ZFAND1: variants seen among roughly 807,000 people sequenced by gnomAD.
ZFAND1 encodes AN1-type zinc finger protein 1.
A neutral mutation model predicts 38.5 loss-of-function variants in ZFAND1; 40 were observed. The ratio of observed to expected loss-of-function variants is 1.04; its 90% CI spans 0.81 to 1.35. The LOEUF (loss-of-function observed/expected upper bound fraction) is 1.35, where lower values mean the gene tolerates loss of function less well. ZFAND1 is among the 40% of genes most tolerant of loss of function. ZFAND1 has a pLI of 0.00. For missense variants in ZFAND1, 346 were observed against 316.3 expected (o/e 1.09, Z -0.71); for synonymous variants, 117 against 103.6 (o/e 1.13, Z -0.78).
Position 81,701,461 on chromosome 8 carries a change from A to C in ZFAND1, c.*1234T>G, listed in dbSNP as rs536092213. ...TTTTATATGCCCTGGGAAACAAAAAAAAATTTGTCTGGCTCAATATACTCC... is the reference window on the plus strand; with the variant it reads ...TTTTATATGCCCTGGGAAACAAAAACAAATTTGTCTGGCTCAATATACTCC... On this transcript the variant is annotated 3_prime_UTR_variant, in exon 8 of 8. Coordinates refer to ENST00000220669, the MANE Select transcript of ZFAND1 (RefSeq NM_024699.3). 2 of 152,132 alleles carry C rather than the reference A, an allele frequency of 1.3e-5. No homozygotes were observed. Among genetic ancestry groups the C allele is most frequent in the Non-Finnish European group, 2.9e-5 (2 of 68,028 alleles). The allele number at this position is 152,132 out of a possible 1,614,324, so 9.4% of individuals were successfully genotyped here. A position where few individuals can be genotyped will look rare whatever the true frequency, so the allele number is the denominator to read the frequency against.
intron 6 of ZFAND1, among the ~76,000 whole-genome samples, chr8:81,712,659 G>A (rs1808173636): frequency 6.6e-6 from 1 of 152,108 alleles, no homozygotes; most frequent in African/African-American, 2.4e-5. Flanking sequence ...GAAAAGGTAT[G>A]TAAATATTTA....
At chr8:81,707,806 G>A (rs1357158251) in intron 6 of ZFAND1, among the ~76,000 whole-genome samples, 1 of 152,086 alleles carries the variant, frequency 6.6e-6, no homozygotes, top group Non-Finnish European at 1.5e-5. Flanking sequence ...TTTTCATGAA[G>A]GTGGTATTTT....
chr8:81,719,022 A>G (rs1389379548), intron 1 of ZFAND1, among the ~76,000 whole-genome samples: 3 of 152,052 alleles, frequency 2.0e-5, no homozygotes, highest in African/African-American at 7.2e-5. Flanking sequence ...GTGTATCTAT[A>G]TCTGTATCTA....
chr8:81,703,103 C>T lies in ZFAND1; in HGVS notation c.502G>A (p.Val168Ile). The change falls in exon 7 of 8, where the codon GTT (valine) becomes ATT (isoleucine). Residue 168 changes from valine (V) to isoleucine (I), a missense_variant. By Grantham distance (29) the Val-to-Ile change is conservative. Transcript: ENST00000220669. ...LPQTERIYFQ[V>I]FLPKGSKEKS... Reference sequence around the variant, plus strand: ...TCTTTGCTCCCTTTAGGTAAGAAAACCTGAAAGTAAATTCTTTCTGTCTGT... The same window carrying T: ...TCTTTGCTCCCTTTAGGTAAGAAAATCTGAAAGTAAATTCTTTCTGTCTGT... The T allele has an allele frequency of 6.6e-7, 1 of 1,514,520 alleles. No individual in the cohort carries two copies. The highest frequency in any genetic ancestry group is 8.9e-7 in the Non-Finnish European group (1 of 1,126,406). 93.8% of individuals were successfully genotyped at this position (1,514,520 alleles called of 1,614,324 possible).
rs777095243 is a variant in ZFAND1, at chr8:81,713,944, C to T, written c.454G>A (p.Ala152Thr). 1 of 1,612,720 alleles carries T rather than the reference C, an allele frequency of 6.2e-7. No homozygotes were observed. The highest frequency in any genetic ancestry group is 1.3e-5 in the African/African-American group (1 of 74,854). ...TGTGGTAATGACTTATCGCCATCAG[C>T]ATGCATCTTTAATTTCATCAATGCA... is the stretch of plus-strand genomic sequence containing the variant. ...KVALMKLKMH[A>T]DGDKSLPQTE... The change falls in exon 6 of 8, where the codon GCT becomes ACT. Residue 152 changes from alanine (A) to threonine (T), a missense_variant. Transcript: ENST00000220669.
chr8:81,721,268 T>G lies in ZFAND1; in HGVS notation c.14A>C (p.Asp5Ala), dbSNP rs1183550589. 2 of 1,549,146 alleles carry G rather than the reference T, an allele frequency of 1.3e-6. No homozygotes were observed. Among genetic ancestry groups the G allele is most frequent in the South Asian group, 1.2e-5 (1 of 84,042 alleles). Residue 5 changes from aspartate (D) to alanine (A), a missense_variant, in exon 1 of 8, where the codon GAC becomes GCC. Physicochemically the swap from Asp to Ala is moderately radical, Grantham distance 126. Coordinates refer to ENST00000220669, the MANE Select transcript of ZFAND1 (RefSeq NM_024699.3). ...CTCCACCTGGCAGTGCTGCCCGATGTCCAACTCCGCCATCTCTCCGGCGCC... is the reference window on the plus strand; with the variant it reads ...CTCCACCTGGCAGTGCTGCCCGATGGCCAACTCCGCCATCTCTCCGGCGCC... MAEL[D>A]IGQHCQVEHC...
Position 81,703,014 on chromosome 8 carries a change from A to G in ZFAND1, c.591T>C (p.Ala197=), listed in dbSNP as rs1807858963. The G allele has an allele frequency of 6.4e-7, 1 of 1,559,290 alleles. No homozygotes were observed. Among genetic ancestry groups the G allele is most frequent in the African/African-American group, 1.4e-5 (1 of 73,182 alleles). ...TGTCATTTTTAAGCCTGGCTAGAGA[A>G]GCGGCAAAGTCTATGGCCTTTCCAA... ...WSIGKAIDFA[A]SLARLKNDNN... is the part of the protein sequence containing the mutation. The change falls in exon 7 of 8, where the codon GCT becomes GCC. Residue 197 remains alanine (A), a synonymous_variant. Coordinates refer to ENST00000220669, the MANE Select transcript of ZFAND1 (RefSeq NM_024699.3).
At chr8:81,718,735 G>A (rs951548791) in intron 1 of ZFAND1, among the ~76,000 whole-genome samples, 7 of 146,842 alleles carry the variant, frequency 4.8e-5, no homozygotes, top group Non-Finnish European at 7.5e-5. Context: ...TATATATATC[G>A]CCAAAGCTTG....
intron 1 of ZFAND1, among the ~76,000 whole-genome samples, chr8:81,719,031 T>G (rs1195218644): frequency 6.6e-6 from 1 of 152,052 alleles, no homozygotes; most frequent in African/African-American, 2.4e-5. Context: ...TATCTGTATC[T>G]ATGCTGTATG....
chr8:81,705,789 C>T (rs373853001), intron 6 of ZFAND1, among the ~76,000 whole-genome samples: 7 of 152,230 alleles, frequency 4.6e-5, no homozygotes, highest in African/African-American at 7.2e-5. Flanking sequence ...TGTGGGGGCA[C>T]GCGCCTGTAG....
At chr8:81,709,140 T>C (rs993401386) in intron 6 of ZFAND1, among the ~76,000 whole-genome samples, 3 of 151,976 alleles carry the variant, frequency 2.0e-5, no homozygotes, top group Non-Finnish European at 1.5e-5. Flanking sequence ...AATGACAAAA[T>C]AAGCCACAGT....
In ZFAND1 at chr8:81,721,058, A is replaced by C. The variant is rs1278668977; in HGVS notation, c.55+169T>G. The C allele has an allele frequency of 3.9e-5, 23 of 593,702 alleles. 1 individual carries two copies. The highest frequency in any genetic ancestry group is 8.9e-4 in the Middle Eastern group (2 of 2,242). 36.8% of individuals were successfully genotyped at this position (593,702 alleles called of 1,614,324 possible). On this transcript the variant is annotated intron_variant, in intron 1 of 7. Transcript: ENST00000220669. ...TTTCAAAAGCTCACGGCCAAAAAAA[A>C]CCCGCACCAACCGATCTCACTGCAG...
At position 81,702,649 on chromosome 8, in the gene ZFAND1, T is replaced by A; in HGVS notation, c.*46A>T. The A allele has an allele frequency of 7.3e-7, 1 of 1,378,884 alleles. No individual in the cohort carries two copies. The highest frequency in any genetic ancestry group is 9.5e-7 in the Non-Finnish European group (1 of 1,047,908). 85.4% of individuals were successfully genotyped at this position (1,378,884 alleles called of 1,614,324 possible). A position where few individuals can be genotyped will look rare whatever the true frequency, so the allele number is the denominator to read the frequency against. On this transcript the variant is annotated 3_prime_UTR_variant, in exon 8 of 8. Transcript: ENST00000220669. ...GTAGTAAAATAAATGGACTTAAACATGTAATAGAATTTTCCCTGTGATTTC... is the reference window on the plus strand; with the variant it reads ...GTAGTAAAATAAATGGACTTAAACAAGTAATAGAATTTTCCCTGTGATTTC...
chr8:81,703,094 G>A lies in ZFAND1; in HGVS notation c.511C>T (p.Pro171Ser). 2 of 1,533,794 alleles carry A rather than the reference G, an allele frequency of 1.3e-6. No individual in the cohort carries two copies. The highest frequency in any genetic ancestry group is 1.8e-6 in the Non-Finnish European group (2 of 1,135,286). The change falls in exon 7 of 8, where the codon CCT (proline) becomes TCT (serine). Residue 171 changes from proline (P) to serine (S), a missense_variant. Physicochemically the swap from Pro to Ser is moderately conservative, Grantham distance 74 (BLOSUM62 -1). Transcript: ENST00000220669. ...TTGCTCTTCTCTTTGCTCCCTTTAG[G>A]TAAGAAAACCTGAAAGTAAATTCTT... ...TERIYFQVFL[P>S]KGSKEKSKPM... is the part of the protein sequence containing the mutation.
At chr8:81,720,731 C>G (rs1479530291) in intron 1 of ZFAND1, 1 of 162,578 alleles carries the variant, frequency 6.2e-6, no homozygotes, top group African/African-American at 2.4e-5. Context: ...AGTCCCAGAC[C>G]AAACCTACGC....
At chr8:81,713,845 G>T in intron 6 of ZFAND1, 73 bp downstream of exon 6, 1 of 1,451,968 alleles carries the variant, frequency 6.9e-7, no homozygotes, top group South Asian at 1.2e-5. Flanking sequence ...GTTAATTGAT[G>T]GGAAGGAGGA....
intron 1 of ZFAND1, among the ~76,000 whole-genome samples, chr8:81,720,081 C>A (rs1808428649): frequency 6.6e-6 from 1 of 152,232 alleles, no homozygotes; most frequent in African/African-American, 2.4e-5. Flanking sequence ...TGAAACTGGG[C>A]TAAATCTCAA....
chr8:81,720,601 A>G (rs1808442649), intron 1 of ZFAND1, among the ~76,000 whole-genome samples: 1 of 152,206 alleles, frequency 6.6e-6, no homozygotes, highest in Non-Finnish European at 1.5e-5. Context: ...CATCCACGTG[A>G]ACACTAGTTG....
rs143062919 is a variant in ZFAND1, at chr8:81,713,991, T to C, written c.407A>G (p.Asn136Ser). 1.5e-4 allele frequency: 246 copies of C among 1,612,388 alleles called. No homozygotes were observed. Among genetic ancestry groups the C allele is most frequent in the Non-Finnish European group, 2.0e-4 (236 of 1,179,588 alleles). Residue 136 changes from asparagine to serine, a missense_variant, in exon 6 of 8, where the codon AAT (asparagine) becomes AGT (serine). Asn to Ser is a conservative substitution (Grantham distance 46). Transcript: ENST00000220669. Reference sequence around the variant, plus strand: ...TGCAACCTTTGCAGCTGTTTCACTATTTTTGGCACCTTTCCATCGTTTACT... The same window carrying C: ...TGCAACCTTTGCAGCTGTTTCACTACTTTTGGCACCTTTCCATCGTTTACT... ...TASKRWKGAKNSETAAKVALM... is the reference protein window; with the variant it reads ...TASKRWKGAKSSETAAKVALM...
Sources: gnomAD v4.1 joint callset for allele counts (sites outside exome capture counted in the v4.1 genomes callset) on GRCh38, gnomAD v4.1.1 for gene constraint, MANE v1.5 for transcripts, NCBI Gene and HGNC (gene_info 2026-07-23, HGNC 2026-07-21) for gene names.